The following SNTG1 variants were observed in gnomAD, a reference collection of about 807,000 sequenced individuals.
The protein encoded by SNTG1 is syntrophin gamma 1.
SNTG1 carries 39 observed loss-of-function variants against 74.7 expected under a neutral mutation model. The observed-to-expected ratio is 0.52, with a 90% confidence interval of 0.40 to 0.68. The LOEUF is 0.68. Ranked by LOEUF, SNTG1 falls within the 30% of genes least tolerant of loss-of-function variation. The pLI is 0.00. For missense variants in SNTG1, 685 were observed against 609.5 expected (o/e 1.12, Z -1.30); for synonymous variants, 254 against 217.1 (o/e 1.17, Z -1.49).
chr8:50,189,154 AGGCCACTG>A (rs1043961104), intron 2 of SNTG1, among the ~76,000 whole-genome samples: 4 of 152,186 alleles, frequency 2.6e-5, no homozygotes, highest in African/African-American at 9.7e-5. Flanking sequence ...GACAATCTCC[AGGCCACTG>A]GGCCGTGGAA....
At chr8:50,253,759 A>T (rs188102553) in intron 2 of SNTG1, among the ~76,000 whole-genome samples, 4 of 152,214 alleles carry the variant, frequency 2.6e-5, no homozygotes, top group African/African-American at 9.6e-5. Flanking sequence ...AAATCTTACC[A>T]TTTGCAACAA....
intron 15 of SNTG1, among the ~76,000 whole-genome samples, chr8:50,691,150 G>A (rs1424484033): frequency 6.6e-5 from 10 of 152,196 alleles, no homozygotes; most frequent in South Asian, 2.1e-4. Context: ...GTCTCTGCAC[G>A]TGAGATGGGT....
intron 1 of SNTG1, among the ~76,000 whole-genome samples, chr8:49,954,471 C>T (rs1221351764): frequency 2.0e-5 from 3 of 152,200 alleles, no homozygotes; most frequent in African/African-American, 7.2e-5. Flanking sequence ...GTTTATAAGT[C>T]TTATTCTGTG....
intron 4 of SNTG1, among the ~76,000 whole-genome samples, chr8:50,413,847 C>A (rs1260088628): frequency 6.6e-6 from 1 of 152,158 alleles, no homozygotes; most frequent in Non-Finnish European, 1.5e-5. Context: ...TTGAGTCTAT[C>A]ATTTAAACTA....
At chr8:50,478,118 T>C (rs1268423996) in intron 8 of SNTG1, among the ~76,000 whole-genome samples, 4 of 152,118 alleles carry the variant, frequency 2.6e-5, no homozygotes, top group Non-Finnish European at 4.4e-5. Context: ...CCTCTCTACT[T>C]TCATATTCAT....
chr8:50,607,032 G>T (rs1563640412), intron 13 of SNTG1, among the ~76,000 whole-genome samples: 1 of 151,792 alleles, frequency 6.6e-6, no homozygotes, highest in Non-Finnish European at 1.5e-5. Flanking sequence ...ACATTGATAT[G>T]CAGATTTCTC....
chr8:50,038,844 C>T lies in SNTG1; in HGVS notation c.-103+126613C>T, dbSNP rs189274954. Among the ~76,000 whole-genome samples the T allele has an allele frequency of 4.6e-5, 7 of 152,260 alleles. No homozygotes were observed. The East Asian group carries it at 7.8e-4, about 17-fold the overall frequency. On this transcript the variant is annotated intron_variant, in intron 1 of 18. Transcript: ENST00000642720. ...AGGACTCTATGGACTCTTGGTTTGG[C>T]TCACACTGAGTAAGCAGAGTGTCTT...
chr8:50,310,912 A>G (rs780341378), intron 2 of SNTG1, among the ~76,000 whole-genome samples: 5 of 152,202 alleles, frequency 3.3e-5, no homozygotes, highest in Non-Finnish European at 5.9e-5. Context: ...ATGGGGTCTT[A>G]CAGTTAATCT....
intron 11 of SNTG1, among the ~76,000 whole-genome samples, chr8:50,543,438 T>TTTG (rs58511910): frequency 0.14 from 20,569 of 151,602 alleles, 1,711 homozygotes; most frequent in Middle Eastern, 0.26. Flanking sequence ...ATGTGTCTGT[T>TTTG]TTGTTGTTGT....
chr8:49,938,000 G>A (rs1199447817), intron 1 of SNTG1, among the ~76,000 whole-genome samples: 1 of 151,666 alleles, frequency 6.6e-6, no homozygotes, highest in Non-Finnish European at 1.5e-5. Context: ...TCTTAAATTC[G>A]GCCTTGTCCT....
At chr8:50,140,647 G>A (rs2081625695) in intron 1 of SNTG1, among the ~76,000 whole-genome samples, 1 of 152,030 alleles carries the variant, frequency 6.6e-6, no homozygotes, top group Non-Finnish European at 1.5e-5. Flanking sequence ...GAGTGTGTGT[G>A]CACATACATA....
At chr8:50,342,023 C>A (rs2091332471) in intron 2 of SNTG1, among the ~76,000 whole-genome samples, 1 of 151,932 alleles carries the variant, frequency 6.6e-6, no homozygotes, top group Non-Finnish European at 1.5e-5. Flanking sequence ...ATCCAAGCCA[C>A]TCTTATAGTC....
intron 1 of SNTG1, among the ~76,000 whole-genome samples, chr8:50,036,553 T>C (rs530557927): frequency 1.3e-5 from 2 of 152,174 alleles, no homozygotes; most frequent in Non-Finnish European, 2.9e-5. Flanking sequence ...TTCTTGTTCA[T>C]CTCCTCACTA....
chr8:50,486,441 C>T (rs2093795339), intron 8 of SNTG1, among the ~76,000 whole-genome samples: 1 of 117,052 alleles, frequency 8.5e-6, no homozygotes, highest in Non-Finnish European at 1.8e-5. Flanking sequence ...CATGATTTGG[C>T]TCTCTGTTTC....
At chr8:50,347,916 C>T (rs1345903247) in intron 2 of SNTG1, among the ~76,000 whole-genome samples, 1 of 152,104 alleles carries the variant, frequency 6.6e-6, no homozygotes, top group Non-Finnish European at 1.5e-5. Context: ...TGTTAAGAGC[C>T]CAGCCCTCAT....
At chr8:50,560,411 A>G (rs2094480409) in intron 12 of SNTG1, among the ~76,000 whole-genome samples, 1 of 152,222 alleles carries the variant, frequency 6.6e-6, no homozygotes, top group Admixed American at 6.5e-5. Context: ...ATAAAGACAC[A>G]TGCACGTGTA....
At chr8:50,507,107 T>C (rs1056916966) in intron 9 of SNTG1, among the ~76,000 whole-genome samples, 1 of 152,186 alleles carries the variant, frequency 6.6e-6, no homozygotes, top group African/African-American at 2.4e-5. Context: ...TGCCATTCTG[T>C]TATTGTGATG....
intron 12 of SNTG1, among the ~76,000 whole-genome samples, chr8:50,559,416 A>G (rs1229693249): frequency 6.6e-6 from 1 of 152,206 alleles, no homozygotes; most frequent in African/African-American, 2.4e-5. Flanking sequence ...AAGTGAAAAA[A>G]TAATGCTAAT....
intron 1 of SNTG1, among the ~76,000 whole-genome samples, chr8:50,152,261 T>A (rs910448122): frequency 2.6e-5 from 4 of 152,212 alleles, no homozygotes; most frequent in Non-Finnish European, 5.9e-5. Context: ...ATTTGCTTGG[T>A]AGATCTTCCT....
Sources: gnomAD v4.1 joint callset for allele counts (sites outside exome capture counted in the v4.1 genomes callset) on GRCh38, gnomAD v4.1.1 for gene constraint, MANE v1.5 for transcripts, NCBI Gene and HGNC (gene_info 2026-07-23, HGNC 2026-07-21) for gene names.